GNG7: variants seen among roughly 807,000 people sequenced by gnomAD.
The protein encoded by GNG7 is G protein subunit gamma 7.
Under a neutral mutation model 4.0 loss-of-function variants are expected in GNG7, and 1 was observed. The ratio of observed to expected loss-of-function variants is 0.25; its 90% CI spans 0.09 to 1.18. The LOEUF is 1.18. GNG7 is among the 50% of genes most tolerant of loss of function. GNG7 has a pLI of 0.50. For synonymous variants in GNG7, 34 were observed against 36.9 expected, an observed-to-expected ratio of 0.92 and a Z score of 0.29; for missense variants, 86 against 91.9, an observed-to-expected ratio of 0.94 and a Z score of 0.26.
intron 2 of GNG7, among the ~76,000 whole-genome samples, chr19:2,631,201 G>T (rs537527993): frequency 7.2e-5 from 11 of 152,210 alleles, no homozygotes; most frequent in African/African-American, 2.4e-4. Flanking sequence ...TTTCACAGAC[G>T]AGGGCATTGA....
intron 1 of GNG7, among the ~76,000 whole-genome samples, chr19:2,657,400 A>ATG (rs1983025541): frequency 1.1e-5 from 1 of 91,706 alleles, no homozygotes; most frequent in Non-Finnish European, 2.2e-5. Flanking sequence ...ATATATATAT[A>ATG]CACATAATAA....
intron 4 of GNG7, among the ~76,000 whole-genome samples, chr19:2,516,183 C>A (rs570532603): frequency 6.6e-6 from 1 of 152,006 alleles, no homozygotes; most frequent in Non-Finnish European, 1.5e-5. Flanking sequence ...CACCATTGCA[C>A]TCCAGCCTGG....
At chr19:2,619,471 G>GT (rs1466358304) in intron 2 of GNG7, among the ~76,000 whole-genome samples, 2 of 152,234 alleles carry the variant, frequency 1.3e-5, no homozygotes, top group African/African-American at 4.8e-5. Flanking sequence ...TTTGTTTATA[G>GT]TAAGGCTGAG....
chr19:2,633,487 G>GCGCGCGCACACACACA lies in GNG7; in HGVS notation c.-78+12736_-78+12737insTGTGTGTGTGCGCGCG, dbSNP rs1250581952. Among the ~76,000 whole-genome samples the GCGCGCGCACACACACA allele has an allele frequency of 5.8e-5, 6 of 103,802 alleles. No individual in the cohort carries two copies. The highest frequency in any genetic ancestry group is 2.4e-4 in the African/African-American group (6 of 25,526). The allele number at this position is 103,802 out of a possible 152,430, so 68.1% of individuals were successfully genotyped here. On this transcript the variant is annotated intron_variant, in intron 2 of 4. Coordinates refer to ENST00000382159, the MANE Select transcript of GNG7 (RefSeq NM_052847.3). This position sits in a 1 kb window ranked among gnomAD's most constrained non-coding sequence, Gnocchi z 5.9. ...TAGCAACAGGCGCGCGCGCGCGCGC[G>GCGCGCGCACACACACA]CACACACACACACACACACACACAC...
Position 2,557,736 on chromosome 19 carries a change from G to C in GNG7, c.-77-2548C>G, listed in dbSNP as rs73918007. ...CCACCTCACCTGCAGCCCCGGGTCA[G>C]CCTCAGAACCCACAGGACTTTGACC... On this transcript the variant is annotated intron_variant, in intron 2 of 4. Transcript: ENST00000382159. The surrounding 1 kb of genome is among the most constrained non-coding windows in gnomAD (Gnocchi z 5.1). Among the ~76,000 whole-genome samples the C allele has an allele frequency of 2.4e-3, 358 of 152,310 alleles. No homozygotes were observed. Among genetic ancestry groups the C allele is most frequent in the African/African-American group, 8.4e-3 (351 of 41,570 alleles).
intron 2 of GNG7, among the ~76,000 whole-genome samples, chr19:2,595,992 G>T (rs887682873): frequency 2.6e-5 from 4 of 152,084 alleles, no homozygotes; most frequent in African/African-American, 9.7e-5. Context: ...ACTCTACGCT[G>T]CATGCTTGTT....
intron 2 of GNG7, among the ~76,000 whole-genome samples, chr19:2,595,472 G>C (rs1980988994): frequency 6.6e-6 from 1 of 152,122 alleles, no homozygotes; most frequent in Admixed American, 6.5e-5. Context: ...AGTGGCTCAT[G>C]CCTGTAATCC....
rs1039769841 is a variant in GNG7 at position 2,670,517 on chromosome 19, G to A, written c.-134-24237C>T. ...CTTGCTGAGCTAGGACGGCCACTGC[G>A]TCCCATGTGGCTTGTTTTCCCAGAC... is the stretch of plus-strand genomic sequence containing the variant. On this transcript the variant is annotated intron_variant, in intron 1 of 4. Transcript: ENST00000382159. 3.3e-5 allele frequency among the ~76,000 whole-genome samples: 5 copies of A among 152,370 alleles called. No individual in the cohort carries two copies. The South Asian group carries it at 6.2e-4, about 19-fold the overall frequency.
intron 2 of GNG7, among the ~76,000 whole-genome samples, chr19:2,571,588 CTTTTTTTTTTT>C (rs779497111): frequency 2.1e-4 from 14 of 68,016 alleles, no homozygotes; most frequent in African/African-American, 7.8e-4. Flanking sequence ...CATTTCTTTC[CTTTTTTTTTTT>C]TTTTTTTTTT....
rs1164705582 is a variant in GNG7 at position 2,604,110 on chromosome 19, A to G, written c.-78+42114T>C. 9.9e-5 allele frequency among the ~76,000 whole-genome samples: 15 copies of G among 151,586 alleles called. 1 individual carries two copies. In the South Asian group the frequency reaches 3.2e-3, roughly 32 times the overall value. The stretch of plus-strand genomic sequence containing the variant: ...CGTGATCCACCCGCCTCGGCCCCCC[A>G]AAGTGCTAGGATTACAGGCGTGAGC... On this transcript the variant is annotated intron_variant, in intron 2 of 4. Coordinates refer to ENST00000382159, the MANE Select transcript of GNG7 (RefSeq NM_052847.3).
chr19:2,528,715 C>T (rs1203700300), intron 3 of GNG7, among the ~76,000 whole-genome samples: 1 of 152,160 alleles, frequency 6.6e-6, no homozygotes, highest in Non-Finnish European at 1.5e-5. Context: ...CTTGCTCTAC[C>T]AAGCTGTGTG....
intron 2 of GNG7, among the ~76,000 whole-genome samples, chr19:2,563,518 C>G (rs540556530): frequency 3.3e-5 from 5 of 152,016 alleles, no homozygotes; most frequent in African/African-American, 1.2e-4. Flanking sequence ...TCATTTCTGT[C>G]GCCCAGGCTG....
At chr19:2,655,273 G>C (rs2144871077) in intron 1 of GNG7, among the ~76,000 whole-genome samples, 1 of 150,930 alleles carries the variant, frequency 6.6e-6, no homozygotes, top group Admixed American at 6.6e-5. Flanking sequence ...AATCTGACTA[G>C]ATACCTCTCA....
intron 1 of GNG7, among the ~76,000 whole-genome samples, chr19:2,651,414 C>G (rs1174571276): frequency 7.8e-6 from 1 of 128,976 alleles, no homozygotes; most frequent in Non-Finnish European, 1.7e-5. Context: ...CCCTCCTTCC[C>G]TCCTTCCTTT....
intron 2 of GNG7, among the ~76,000 whole-genome samples, chr19:2,640,429 A>G (rs999932905): frequency 5.3e-5 from 8 of 152,118 alleles, no homozygotes; most frequent in African/African-American, 1.7e-4. Context: ...GTGGATGTCG[A>G]GGTTTCTCGA....
chr19:2,596,129 C>A (rs879782510), intron 2 of GNG7, among the ~76,000 whole-genome samples: 1 of 152,156 alleles, frequency 6.6e-6, no homozygotes, highest in Non-Finnish European at 1.5e-5. Flanking sequence ...GAGGCCGAGG[C>A]GGGCGGATCA....
At chr19:2,661,298 G>GA (rs1201311468) in intron 1 of GNG7, among the ~76,000 whole-genome samples, 7 of 35,968 alleles carry the variant, frequency 1.9e-4, no homozygotes, top group Non-Finnish European at 3.1e-4. Context: ...AAGAAAGAAA[G>GA]AAAGAGAAAG....
intron 2 of GNG7, among the ~76,000 whole-genome samples, chr19:2,571,301 A>G (rs1025503389): frequency 2.0e-5 from 3 of 152,192 alleles, no homozygotes; most frequent in African/African-American, 4.8e-5. Flanking sequence ...GTCGGAACCG[A>G]GAAGGTGCTA....
chr19:2,687,061 C>CT (rs762806942), intron 1 of GNG7, among the ~76,000 whole-genome samples: 8,731 of 137,434 alleles, frequency 0.064, 862 homozygotes, highest in African/African-American at 0.21. Context: ...CACTTTTTTT[C>CT]TTTTTTTTTT....
Sources: allele counts gnomAD v4.1 joint callset (sites outside exome capture counted in the v4.1 genomes callset), GRCh38; gene constraint gnomAD v4.1.1; non-coding constraint Gnocchi (gnomAD v3.1); transcripts MANE v1.5; gene names NCBI Gene and HGNC (gene_info 2026-07-23, HGNC 2026-07-21).